The following GLDC variants were observed in gnomAD, a reference collection of about 807,000 sequenced individuals.
The protein encoded by GLDC is glycine decarboxylase.
Under a neutral mutation model 121.3 loss-of-function variants are expected in GLDC, and 104 were observed. The ratio of observed to expected loss-of-function variants is 0.86; its 90% confidence interval spans 0.73 to 1.01. GLDC has a LOEUF of 1.01. GLDC is among the 50% of genes least tolerant of loss of function. The pLI, the probability that GLDC is intolerant of heterozygous loss-of-function variation, is 0.00. For missense variants in GLDC, 1,429 were observed against 1,306.6 expected (o/e 1.09, Z -1.44); for synonymous variants, 546 against 480.6 (o/e 1.14, Z -1.78).
At chr9:6,573,842 G>A (rs190608708) in intron 15 of GLDC, among the ~76,000 whole-genome samples, 17 of 152,276 alleles carry the variant, frequency 1.1e-4, no homozygotes, top group African/African-American at 3.9e-4. Flanking sequence ...AGGGAAAAAT[G>A]GGTGCAGATT....
intron 3 of GLDC, among the ~76,000 whole-genome samples, chr9:6,618,942 G>C (rs1489854386): frequency 6.6e-6 from 1 of 151,886 alleles, no homozygotes; most frequent in African/African-American, 2.4e-5. Context: ...AGGAGTTCAA[G>C]ACCAGCCTGG....
At chr9:6,541,410 C>T (rs201956810) in intron 21 of GLDC, 1 of 152,206 alleles carries the variant, frequency 6.6e-6, no homozygotes, top group African/African-American at 2.4e-5. Context: ...AAAAATGAAT[C>T]CACTTATAGA....
At chr9:6,629,948 TA>T (rs1349089712) in intron 2 of GLDC, among the ~76,000 whole-genome samples, 4 of 86,854 alleles carry the variant, frequency 4.6e-5, no homozygotes, top group South Asian at 3.7e-4. Flanking sequence ...TATATATGTA[TA>T]TATATATATT....
At chr9:6,602,296 A>C (rs1818631351) in intron 7 of GLDC, 91 bp from the exon 8 acceptor site, 1 of 841,800 alleles carries the variant, frequency 1.2e-6, no homozygotes, top group Non-Finnish European at 2.0e-6. Flanking sequence ...TCCCAGCTTG[A>C]AGTGAATTCA....
chr9:6,590,455 T>C (rs999832985), intron 11 of GLDC, among the ~76,000 whole-genome samples: 1 of 152,206 alleles, frequency 6.6e-6, no homozygotes, highest in African/African-American at 2.4e-5. Flanking sequence ...GAGTGAGTTC[T>C]CACTCTACTA....
rs73639336 is a variant in GLDC at position 6,629,103 on chromosome 9, A to G, written c.335-8784T>C. Among the ~76,000 whole-genome samples the G allele has an allele frequency of 1.3e-3, 194 of 151,830 alleles. 1 individual carries two copies. The highest frequency in any genetic ancestry group is 4.4e-3 in the African/African-American group (181 of 41,426). ...TCCTCTTTACATCATTCCACATAAG[A>G]GCCCTTCTATAGCAACTCCTTTGCC... On this transcript the variant is annotated intron_variant, in intron 2 of 24. Transcript: ENST00000321612.
At chr9:6,564,163 G>A (rs961617200) in intron 16 of GLDC, among the ~76,000 whole-genome samples, 2 of 151,588 alleles carry the variant, frequency 1.3e-5, no homozygotes, top group African/African-American at 4.9e-5. Flanking sequence ...CACAAGAATC[G>A]CTTGAACCCA....
At chr9:6,615,580 TTAA>T (rs1424201798) in intron 3 of GLDC, among the ~76,000 whole-genome samples, 1 of 139,142 alleles carries the variant, frequency 7.2e-6, no homozygotes, top group East Asian at 2.4e-4. Flanking sequence ...AGACCTTGTC[TTAA>T]AAAAAAAAAA....
At chr9:6,544,678 T>C (rs1050549866) in intron 21 of GLDC, among the ~76,000 whole-genome samples, 1 of 149,156 alleles carries the variant, frequency 6.7e-6, no homozygotes, top group African/African-American at 2.5e-5. Flanking sequence ...ATATAAGAAA[T>C]TAAAACATAA....
At chr9:6,584,578 G>A (rs759325280) in intron 15 of GLDC, among the ~76,000 whole-genome samples, 1 of 152,220 alleles carries the variant, frequency 6.6e-6, no homozygotes, top group Non-Finnish European at 1.5e-5. Flanking sequence ...AATATGTGGT[G>A]TATCCCTTCC....
chr9:6,585,725 C>A (rs1459122965), intron 15 of GLDC, among the ~76,000 whole-genome samples: 1 of 152,146 alleles, frequency 6.6e-6, no homozygotes, highest in Non-Finnish European at 1.5e-5. Context: ...CTTTGAGCAG[C>A]AGGAGGTGAA....
chr9:6,644,456 C>G, intron 2 of GLDC, 158 bp downstream of exon 2: 1 of 676,202 alleles, frequency 1.5e-6, no homozygotes, highest in South Asian at 1.6e-5. Flanking sequence ...AAATATCCCA[C>G]CTTCCCGCGG....
intron 18 of GLDC, 48 bp from the exon 19 acceptor site, chr9:6,554,829 A>G: frequency 7.0e-7 from 1 of 1,419,140 alleles, no homozygotes. Context: ...GCTTGGAAGC[A>G]CCCTCCAGTG....
At chr9:6,644,324 T>A in intron 2 of GLDC, among the ~76,000 whole-genome samples, 1 of 151,734 alleles carries the variant, frequency 6.6e-6, no homozygotes, top group Non-Finnish European at 1.5e-5. Flanking sequence ...GGTGAGAGGG[T>A]GCCTGGGAAG....
At chr9:6,629,929 C>CTATATATATATACG (rs1819326666) in intron 2 of GLDC, among the ~76,000 whole-genome samples, 1 of 102,168 alleles carries the variant, frequency 9.8e-6, no homozygotes, top group African/African-American at 4.8e-5. Flanking sequence ...TTGCTTTTCA[C>CTATATATATATACG]TATATATATA....
intron 3 of GLDC, among the ~76,000 whole-genome samples, chr9:6,611,494 T>G (rs1818855094): frequency 6.6e-6 from 1 of 151,126 alleles, no homozygotes; most frequent in Non-Finnish European, 1.5e-5. Flanking sequence ...GGGCGGAGGT[T>G]GCAGTGAGCT....
At chr9:6,607,287 T>C (rs746764561) in intron 4 of GLDC, among the ~76,000 whole-genome samples, 52 of 151,462 alleles carry the variant, frequency 3.4e-4, no homozygotes, top group Non-Finnish European at 6.6e-4. Flanking sequence ...AGTGATTAGA[T>C]ACAAGTGTAA....
intron 18 of GLDC, 96 bp from the exon 19 acceptor site, chr9:6,554,877 A>G (rs1817588136): frequency 2.3e-6 from 2 of 869,392 alleles, no homozygotes; most frequent in South Asian, 2.8e-5. Context: ...TTCTCCCCTC[A>G]GAGGAAAAGC....
At chr9:6,566,911 A>T (rs1817865628) in intron 15 of GLDC, among the ~76,000 whole-genome samples, 1 of 152,204 alleles carries the variant, frequency 6.6e-6, no homozygotes, top group Non-Finnish European at 1.5e-5. Flanking sequence ...AAAGAAACTG[A>T]GGTCTGAGTG....
Sources: allele counts gnomAD v4.1 joint callset (sites outside exome capture counted in the v4.1 genomes callset), GRCh38; gene constraint gnomAD v4.1.1; transcripts MANE v1.5; gene names NCBI Gene and HGNC (gene_info 2026-07-23, HGNC 2026-07-21).